COPS9: variants seen among roughly 807,000 people sequenced by gnomAD.
COPS9 encodes the protein COP9 signalosome complex subunit 9.
A neutral mutation model predicts 7.2 loss-of-function variants in COPS9; 8 were observed. The ratio of observed to expected loss-of-function variants is 1.11; its 90% CI spans 0.65 to 2.00. The LOEUF (loss-of-function observed/expected upper bound fraction) is 2.00. Among genes scored for constraint, COPS9 ranks in the 30% most tolerant of loss-of-function variants. The pLI, the probability that COPS9 is intolerant of heterozygous loss-of-function variation, is 0.00. For missense variants in COPS9, 74 were observed against 77.7 expected (o/e 0.95, Z 0.18); for synonymous variants, 39 against 28.7 (o/e 1.36, Z -1.14).
intron 1 of COPS9, 51 bp downstream of exon 1, chr2:240,136,171 T>TC: frequency 7.2e-7 from 1 of 1,383,536 alleles, no homozygotes; most frequent in South Asian, 1.7e-5. Flanking sequence ...GCCCTTCCGC[T>TC]CCCCCTTCCC....
At chr2:240,128,990 G>A (rs371013534), downstream of COPS9, among the ~76,000 whole-genome samples, 3 of 152,188 alleles carry the variant, frequency 2.0e-5, no homozygotes, top group Admixed American at 6.5e-5. Flanking sequence ...GAAATTCTAC[G>A]GCCCACACAG....
chr2:240,130,859 C>T lies in COPS9; in HGVS notation c.*192G>A. On this transcript the variant is annotated 3_prime_UTR_variant, in exon 3 of 3. Transcript: ENST00000607357. ...TGCTTTCTTTTAATTGGAGTGAGGA[C>T]AAAACCTGATCCCGTTCAGAGATGA... 2 of 1,417,594 alleles carry T rather than the reference C, an allele frequency of 1.4e-6. No homozygotes were observed. Among genetic ancestry groups the T allele is most frequent in the Non-Finnish European group, 1.8e-6 (2 of 1,088,592 alleles). 87.8% of individuals were successfully genotyped at this position (1,417,594 alleles called of 1,614,324 possible).
At chr2:240,131,940 CCT>C (rs1445292432) in intron 2 of COPS9, among the ~76,000 whole-genome samples, 1 of 152,182 alleles carries the variant, frequency 6.6e-6, no homozygotes, top group East Asian at 1.9e-4. Context: ...GGGTGGCGTC[CCT>C]GAGGCATCTC....
rs116528884 is a variant in COPS9, at chr2:240,132,135, G to A, written c.137-1047C>T. Among the ~76,000 whole-genome samples, 1,054 of 152,280 alleles carry A rather than the reference G, an allele frequency of 6.9e-3. 3 individuals are homozygous for A. The highest frequency in any genetic ancestry group is 0.034 in the Middle Eastern group (10 of 294). On this transcript the variant is annotated intron_variant, in intron 2 of 2. Transcript: ENST00000607357. This position sits in a 1 kb window ranked among gnomAD's most constrained non-coding sequence, Gnocchi z 4.1. Reference sequence around the variant, plus strand: ...CCCTCTGGAGAAACCTCCCTCTGCAGTGCTCCCAGAAACAATGCCGTCCAC... The same window carrying A: ...CCCTCTGGAGAAACCTCCCTCTGCAATGCTCCCAGAAACAATGCCGTCCAC...
At chr2:240,135,569 C>T (rs756954461) in intron 1 of COPS9, among the ~76,000 whole-genome samples, 2 of 152,154 alleles carry the variant, frequency 1.3e-5, no homozygotes, top group Admixed American at 1.3e-4. Context: ...CATCTCAGAA[C>T]GCTCACATCA....
chr2:240,134,121 T>C (rs1324789031), intron 1 of COPS9, 116 bp from the exon 2 acceptor site: 1 of 905,520 alleles, frequency 1.1e-6, no homozygotes, highest in Non-Finnish European at 1.8e-6. Flanking sequence ...GGAAACAGGC[T>C]CAAGTTGGAG....
chr2:240,134,062 A>G, intron 1 of COPS9, 57 bp from the exon 2 acceptor site: 4 of 1,544,448 alleles, frequency 2.6e-6, no homozygotes, highest in Non-Finnish European at 1.8e-6. Context: ...AACAGGTGAT[A>G]AGTGCATTGC....
At chr2:240,131,580 T>C (rs772614299) in intron 2 of COPS9, among the ~76,000 whole-genome samples, 1 of 152,092 alleles carries the variant, frequency 6.6e-6, no homozygotes, top group Non-Finnish European at 1.5e-5. Context: ...AAGCCTCCAG[T>C]AAGGGAGCGT....
chr2:240,136,189 C>A, intron 1 of COPS9, 33 bp downstream of exon 1: 4 of 1,496,122 alleles, frequency 2.7e-6, no homozygotes. Flanking sequence ...CCCCGCTCCC[C>A]ACGCTCGGAG....
chr2:240,128,639 G>A (rs1018321704), downstream of COPS9, among the ~76,000 whole-genome samples: 5 of 147,078 alleles, frequency 3.4e-5, no homozygotes, highest in African/African-American at 4.9e-5. Context: ...TATAAAAACC[G>A]AGAAAATACC....
intron 2 of COPS9, 103 bp from the exon 3 acceptor site, chr2:240,131,191 G>T: frequency 7.9e-7 from 1 of 1,270,910 alleles, no homozygotes; most frequent in Non-Finnish European, 1.1e-6. Flanking sequence ...AGAGATAATC[G>T]TCAATGATCC....
downstream of COPS9, among the ~76,000 whole-genome samples, chr2:240,128,930 C>A (rs754429475): frequency 8.5e-5 from 13 of 152,314 alleles, no homozygotes; most frequent in Admixed American, 2.0e-4. Flanking sequence ...CACTGACATG[C>A]ACACATGTGC....
chr2:240,130,229 A>G (rs2071907906), downstream of COPS9, among the ~76,000 whole-genome samples: 7 of 152,184 alleles, frequency 4.6e-5, no homozygotes, highest in South Asian at 1.5e-3. Flanking sequence ...AGGTCCCTCC[A>G]CTGAGGGGCT....
At chr2:240,130,226 T>G (rs1206245346), downstream of COPS9, among the ~76,000 whole-genome samples, 2 of 152,212 alleles carry the variant, frequency 1.3e-5, no homozygotes, top group African/African-American at 4.8e-5. Flanking sequence ...AGCAGGTCCC[T>G]CCACTGAGGG....
rs748190679 is a variant in COPS9, at chr2:240,134,070, T to C, written c.64-65A>G. 4 of 1,467,656 alleles carry C rather than the reference T, an allele frequency of 2.7e-6. No individual in the cohort carries two copies. The Admixed American group carries it at 5.1e-5, about 19-fold the overall frequency. 90.9% of individuals were successfully genotyped at this position (1,467,656 alleles called of 1,614,324 possible). ...CCGAAAGAACAGGTGATAAGTGCATTGCAGGGCCACTACCCCCACAAAAAA... is the reference window on the plus strand; with the variant it reads ...CCGAAAGAACAGGTGATAAGTGCATCGCAGGGCCACTACCCCCACAAAAAA... On this transcript the variant is annotated intron_variant, in intron 1 of 2. Coordinates refer to ENST00000607357, the MANE Select transcript of COPS9 (RefSeq NM_001163424.2).
chr2:240,127,590 G>C (rs2071879601), downstream of COPS9, among the ~76,000 whole-genome samples: 1 of 152,120 alleles, frequency 6.6e-6, no homozygotes, highest in African/African-American at 2.4e-5. Context: ...CCTCTGGAGG[G>C]TGATTAGGTC....
rs992083730 is a variant in COPS9, at chr2:240,132,133, C to T, written c.137-1045G>A. ...CCCCCTCTGGAGAAACCTCCCTCTG[C>T]AGTGCTCCCAGAAACAATGCCGTCC... On this transcript the variant is annotated intron_variant, in intron 2 of 2. Transcript: ENST00000607357. This position sits in a 1 kb window ranked among gnomAD's most constrained non-coding sequence, Gnocchi z 4.1. Among the ~76,000 whole-genome samples the T allele has an allele frequency of 5.3e-5, 8 of 152,200 alleles. No individual in the cohort carries two copies. Among genetic ancestry groups the T allele is most frequent in the African/African-American group, 1.2e-4 (5 of 41,448 alleles).
At chr2:240,127,921 T>C (rs939806947), downstream of COPS9, among the ~76,000 whole-genome samples, 2 of 152,106 alleles carry the variant, frequency 1.3e-5, no homozygotes, top group African/African-American at 4.8e-5. Context: ...CAGCCATCTC[T>C]GATGGCAGGC....
chr2:240,127,557 G>C (rs1246590887), downstream of COPS9, among the ~76,000 whole-genome samples: 3 of 152,132 alleles, frequency 2.0e-5, no homozygotes, highest in Non-Finnish European at 4.4e-5. Context: ...CCAACCCCCA[G>C]GTGATGGTGT....
Sources: gnomAD v4.1 joint callset for allele counts (sites outside exome capture counted in the v4.1 genomes callset) on GRCh38, gnomAD v4.1.1 for gene constraint, Gnocchi (gnomAD v3.1) non-coding constraint, MANE v1.5 for transcripts, NCBI Gene and HGNC (gene_info 2026-07-23, HGNC 2026-07-21) for gene names.